The following SHISAL1 variants were observed in gnomAD, a reference collection of about 807,000 sequenced individuals.
SHISAL1 encodes the protein shisa like 1.
SHISAL1 carries 9 observed loss-of-function variants against 22.6 expected under a neutral mutation model. The observed-to-expected ratio is 0.40, with a 90% CI of 0.24 to 0.70. SHISAL1 has a LOEUF of 0.70. SHISAL1 is among the 30% of genes least tolerant of loss of function. The pLI is 0.39. For missense variants in SHISAL1, 246 were observed against 270.6 expected (o/e 0.91, Z 0.64); for synonymous variants, 119 against 115.4 (o/e 1.03, Z -0.20).
chr22:44,297,480 G>C (rs1403124748), intron 2 of SHISAL1, among the ~76,000 whole-genome samples: 1 of 152,168 alleles, frequency 6.6e-6, no homozygotes, highest in Non-Finnish European at 1.5e-5. Context: ...GTACCTCTTG[G>C]GTCAAAAACA....
intron 4 of SHISAL1, among the ~76,000 whole-genome samples, chr22:44,275,167 T>C (rs1462348055): frequency 6.6e-6 from 1 of 151,286 alleles, no homozygotes; most frequent in Non-Finnish European, 1.5e-5. Flanking sequence ...TGGTGGGGAG[T>C]GGTTTGCAGA....
chr22:44,321,223 C>T, the SHISAL1 span, among the ~76,000 whole-genome samples: 1 of 152,208 alleles, frequency 6.6e-6, no homozygotes, highest in East Asian at 1.9e-4. Context: ...CAGTAACTAA[C>T]CCACCTGCGA....
chr22:44,310,959 C>T lies in SHISAL1; in HGVS notation c.-33+1792G>A, dbSNP rs1185178659. ...ATAGAGTAGGAACTCCATTAGCACT[C>T]GTTGGCCTGGTTTGTTTTATTGCAA... On this transcript the variant is annotated intron_variant, in intron 1 of 4. Coordinates refer to ENST00000381176, the MANE Select transcript of SHISAL1 (RefSeq NM_001099294.2). The surrounding 1 kb of genome is among the most constrained non-coding windows in gnomAD (Gnocchi z 4.0). Among the ~76,000 whole-genome samples the T allele has an allele frequency of 4.6e-5, 7 of 152,082 alleles. No homozygotes were observed. Among genetic ancestry groups the T allele is most frequent in the African/African-American group, 1.4e-4 (6 of 41,410 alleles).
intron 4 of SHISAL1, among the ~76,000 whole-genome samples, chr22:44,277,715 A>G (rs2055249556): frequency 6.6e-6 from 1 of 152,174 alleles, no homozygotes; most frequent in Non-Finnish European, 1.5e-5. Context: ...AGGCTAGAAA[A>G]TTAGGAACCC....
chr22:44,264,407 G>C (rs1456092337), intron 4 of SHISAL1, among the ~76,000 whole-genome samples: 1 of 152,192 alleles, frequency 6.6e-6, no homozygotes, highest in Non-Finnish European at 1.5e-5. Flanking sequence ...ATATGGGAGA[G>C]CTTTATGGGA....
the SHISAL1 span, among the ~76,000 whole-genome samples, chr22:44,325,933 A>G: frequency 6.6e-6 from 1 of 151,656 alleles, no homozygotes; most frequent in African/African-American, 2.4e-5. Context: ...TTCTACCAGG[A>G]AGCCCTCCCT....
Position 44,302,654 on chromosome 22 carries a change from A to G in SHISAL1, c.-32-1677T>C, listed in dbSNP as rs1460278206. ...CCTGGGGTGGGTGCGGTGAGGAGGC[A>G]GCAGGGGCAAAGGCCCTGGGGTGGG... On this transcript the variant is annotated intron_variant, in intron 1 of 4. Coordinates refer to ENST00000381176, the MANE Select transcript of SHISAL1 (RefSeq NM_001099294.2). Among the ~76,000 whole-genome samples, 3 of 148,968 alleles carry G rather than the reference A, an allele frequency of 2.0e-5. No homozygotes were observed. In the South Asian group the frequency reaches 6.5e-4, roughly 32 times the overall value.
intron 4 of SHISAL1, among the ~76,000 whole-genome samples, chr22:44,251,991 A>C (rs2055050938): frequency 6.6e-6 from 1 of 152,246 alleles, no homozygotes. Flanking sequence ...TAACAAATGC[A>C]ATGAAGAGAA....
intron 4 of SHISAL1, among the ~76,000 whole-genome samples, chr22:44,253,004 TAAAA>T (rs147571389): frequency 6.7e-6 from 1 of 148,806 alleles, no homozygotes; most frequent in Non-Finnish European, 1.5e-5. Flanking sequence ...TTAAAAAAAA[TAAAA>T]AAAATAAAAA....
In SHISAL1 at chr22:44,249,252, A is replaced by G. The variant is rs1450285850; in HGVS notation, c.*433T>C. 1 of 164,164 alleles carries G rather than the reference A, an allele frequency of 6.1e-6. No homozygotes were observed. The highest frequency in any genetic ancestry group is 2.4e-5 in the African/African-American group (1 of 41,866). 10.2% of individuals were successfully genotyped at this position (164,164 alleles called of 1,614,324 possible). On this transcript the variant is annotated 3_prime_UTR_variant, in exon 5 of 5. Transcript: ENST00000381176. ...ACACGCACACACACACGCACATTCA[A>G]TATTCTGACACAAATAGCCCCAAGG...
intron 4 of SHISAL1, among the ~76,000 whole-genome samples, chr22:44,255,540 C>G (rs2055078548): frequency 6.6e-6 from 1 of 152,186 alleles, no homozygotes; most frequent in Admixed American, 6.5e-5. Context: ...CCTTCAGAAT[C>G]TCAATAAGCC....
chr22:44,261,183 C>T (rs1385735184), intron 4 of SHISAL1, among the ~76,000 whole-genome samples: 6 of 147,402 alleles, frequency 4.1e-5, no homozygotes, highest in East Asian at 4.0e-4. Flanking sequence ...ATAGCTTCTT[C>T]GAGGGTAAAG....
At position 44,310,421 on chromosome 22, in the gene SHISAL1, G is replaced by T. The variant is rs1488010850; in HGVS notation, c.-33+2330C>A. On this transcript the variant is annotated intron_variant, in intron 1 of 4. Coordinates refer to ENST00000381176, the MANE Select transcript of SHISAL1 (RefSeq NM_001099294.2). The surrounding 1 kb of genome is among the most constrained non-coding windows in gnomAD (Gnocchi z 4.0). ...CGACTCCAGACAGGGTGCTGGGGGC[G>T]ACCACATAGGCTTTGCAGCGAGTCT... 2.0e-5 allele frequency among the ~76,000 whole-genome samples: 3 copies of T among 152,192 alleles called. No individual in the cohort carries two copies. The highest frequency in any genetic ancestry group is 4.4e-5 in the Non-Finnish European group (3 of 68,040).
At chr22:44,330,970 G>A in the SHISAL1 span, among the ~76,000 whole-genome samples, 1 of 152,036 alleles carries the variant, frequency 6.6e-6, no homozygotes, top group Non-Finnish European at 1.5e-5. Context: ...AGGCCCCTCT[G>A]GGTCCGCAGC....
intron 4 of SHISAL1, among the ~76,000 whole-genome samples, chr22:44,258,186 G>T (rs2055097738): frequency 6.6e-6 from 1 of 151,800 alleles, no homozygotes; most frequent in Non-Finnish European, 1.5e-5. Context: ...GGCACCTGTA[G>T]TCCCAGCTAC....
upstream of SHISAL1, among the ~76,000 whole-genome samples, chr22:44,314,194 G>C (rs1160386303): frequency 2.0e-5 from 3 of 150,628 alleles, no homozygotes; most frequent in Non-Finnish European, 4.4e-5. Flanking sequence ...TGAGTCGGGC[G>C]GTGGGGCGGG....
the SHISAL1 span, among the ~76,000 whole-genome samples, chr22:44,329,314 G>A: frequency 2.6e-4 from 40 of 152,172 alleles, no homozygotes; most frequent in Middle Eastern, 0.01. Flanking sequence ...GGTCCCGCTC[G>A]CTTTCTTTGT....
At chr22:44,307,181 G>A (rs2055485512) in intron 1 of SHISAL1, among the ~76,000 whole-genome samples, 1 of 152,128 alleles carries the variant, frequency 6.6e-6, no homozygotes, top group Admixed American at 6.5e-5. Context: ...CTGCCACCTG[G>A]GGCTGCTGAC....
intron 4 of SHISAL1, among the ~76,000 whole-genome samples, chr22:44,273,197 G>T (rs752857451): frequency 1.1e-4 from 16 of 152,170 alleles, no homozygotes; most frequent in Non-Finnish European, 2.4e-4. Flanking sequence ...CTAGCATTTG[G>T]ACCATTATGC....
Sources: allele counts gnomAD v4.1 joint callset (sites outside exome capture counted in the v4.1 genomes callset), GRCh38; gene constraint gnomAD v4.1.1; non-coding constraint Gnocchi (gnomAD v3.1); transcripts MANE v1.5; gene names NCBI Gene and HGNC (gene_info 2026-07-23, HGNC 2026-07-21).